Variants in TNS1 observed in about 807,000 individuals in gnomAD.
TNS1 encodes tensin-1.
TNS1 carries 62 observed loss-of-function variants against 168.6 expected under a neutral mutation model. The ratio of observed to expected loss-of-function variants is 0.37; its 90% CI spans 0.30 to 0.45. The LOEUF is 0.45. Among genes scored for constraint, TNS1 ranks in the 20% least tolerant of loss-of-function variants. TNS1 has a pLI of 1.00. For missense variants in TNS1, 2,240 were observed against 2,339.4 expected (o/e 0.96, Z 0.88); for synonymous variants, 934 against 933.2 (o/e 1.00, Z -0.02).
chr2:217,893,399 C>CGT, intron 10 of TNS1, 40 bp downstream of exon 10: 2 of 1,505,606 alleles, frequency 1.3e-6, no homozygotes, highest in Non-Finnish European at 1.8e-6. Flanking sequence ...TGTGCGCGCG[C>CGT]GCACACACAC....
chr2:217,810,144 A>G (rs2125093721), intron 29 of TNS1, 104 bp downstream of exon 29: 1 of 1,468,314 alleles, frequency 6.8e-7, no homozygotes, highest in Non-Finnish European at 9.4e-7. Context: ...TCCCAGAGAC[A>G]TTTGGGCCTG....
chr2:217,916,758 G>A (rs10199479), intron 4 of TNS1, among the ~76,000 whole-genome samples: 48,009 of 152,108 alleles, frequency 0.32, 7,882 homozygotes, highest in Middle Eastern at 0.43. Context: ...GCCTGAAGCC[G>A]GGCAGAAATT....
intron 16 of TNS1, among the ~76,000 whole-genome samples, chr2:217,884,472 C>A (rs983490070): frequency 4.9e-4 from 74 of 152,052 alleles, no homozygotes; most frequent in Non-Finnish European, 1.0e-4. Context: ...AAGCAAACAC[C>A]AAACCTTTCC....
At chr2:217,829,080 A>T (rs1944021544) in intron 22 of TNS1, among the ~76,000 whole-genome samples, 1 of 152,168 alleles carries the variant, frequency 6.6e-6, no homozygotes, top group Non-Finnish European at 1.5e-5. Flanking sequence ...CACCCACAAC[A>T]AAGAGTCATT....
At chr2:217,895,506 C>A (rs916369886) in intron 8 of TNS1, among the ~76,000 whole-genome samples, 2 of 152,202 alleles carry the variant, frequency 1.3e-5, no homozygotes, top group African/African-American at 2.4e-5. Context: ...CCACACCGAA[C>A]GGGAATCCAG....
chr2:217,932,970 C>A (rs73078389), intron 3 of TNS1, among the ~76,000 whole-genome samples: 1 of 152,164 alleles, frequency 6.6e-6, no homozygotes, highest in Admixed American at 6.5e-5. Context: ...GGAGCCCCCG[C>A]AAGCAGAAAG....
At chr2:217,846,067 G>C (rs559112669) in intron 19 of TNS1, among the ~76,000 whole-genome samples, 7 of 152,256 alleles carry the variant, frequency 4.6e-5, no homozygotes, top group Non-Finnish European at 7.4e-5. Context: ...TATCTCAGGG[G>C]CCCAGATGTG....
Position 217,802,508 on chromosome 2 carries a change from C to T in TNS1, c.*1951G>A, listed in dbSNP as rs1937613549. On this transcript the variant is annotated 3_prime_UTR_variant, in exon 33 of 33. Transcript: ENST00000682258. The stretch of plus-strand genomic sequence containing the variant: ...GCAGAGTCAGGGACAGCTCCCCACA[C>T]ATCCTGGGAGCTGACTGCTGGGCCC... 1 of 152,270 alleles carries T rather than the reference C, an allele frequency of 6.6e-6. No individual in the cohort carries two copies. Among genetic ancestry groups the T allele is most frequent in the South Asian group, 2.1e-4 (1 of 4,828 alleles). The allele number at this position is 152,270 out of a possible 1,614,324, so 9.4% of individuals were successfully genotyped here.
chr2:217,911,649 C>T (rs6755375), intron 4 of TNS1, among the ~76,000 whole-genome samples: 55,595 of 152,066 alleles, frequency 0.37, 10,567 homozygotes, highest in Middle Eastern at 0.43. Context: ...CGAGCATTAC[C>T]GCAGGGTACA....
At chr2:218,006,830 A>T (rs1012271490), upstream of TNS1, among the ~76,000 whole-genome samples, 8 of 152,176 alleles carry the variant, frequency 5.3e-5, no homozygotes, top group African/African-American at 1.9e-4. Context: ...GCTTAAAAAA[A>T]AACCACTCTG....
chr2:217,861,810 T>C (rs1948807512), intron 18 of TNS1, among the ~76,000 whole-genome samples: 1 of 152,204 alleles, frequency 6.6e-6, no homozygotes, highest in Non-Finnish European at 1.5e-5. Flanking sequence ...ACACGAGTAG[T>C]GCAGCGTGGG....
In TNS1 at chr2:217,858,299, G is replaced by A. The variant is rs529060195; in HGVS notation, c.1430-9212C>T. Among the ~76,000 whole-genome samples the A allele has an allele frequency of 3.9e-5, 6 of 152,094 alleles. No homozygotes were observed. In the South Asian group the frequency reaches 6.2e-4, roughly 16 times the overall value. On this transcript the variant is annotated intron_variant, in intron 18 of 32. Coordinates refer to ENST00000682258, the MANE Select transcript of TNS1 (RefSeq NM_001387777.1). ...GTCCAGGAAGGGGACCACCAGGCCC[G>A]TCACATCCACATCAGACAGCAGCAC... is the stretch of plus-strand genomic sequence containing the variant.
At chr2:218,029,393 A>C (rs1181996463) in intron 1 of TNS1, among the ~76,000 whole-genome samples, 2 of 152,254 alleles carry the variant, frequency 1.3e-5, no homozygotes, top group African/African-American at 4.8e-5. Flanking sequence ...GACATCATCA[A>C]AATGGAGGGA....
intron 3 of TNS1, among the ~76,000 whole-genome samples, chr2:217,965,662 G>A (rs1575143736): frequency 6.6e-6 from 1 of 152,152 alleles, no homozygotes; most frequent in Non-Finnish European, 1.5e-5. Flanking sequence ...GGAGCCCCAG[G>A]AGGCAAGGAG....
chr2:217,939,482 G>A (rs1319944733), intron 3 of TNS1, among the ~76,000 whole-genome samples: 1 of 152,240 alleles, frequency 6.6e-6, no homozygotes. Flanking sequence ...CAGAAGACAG[G>A]TGAGCAAATG....
intron 18 of TNS1, among the ~76,000 whole-genome samples, chr2:217,869,670 A>G (rs112675522): frequency 7.2e-5 from 11 of 152,334 alleles, no homozygotes; most frequent in African/African-American, 2.4e-4. Context: ...GGCTCTGTGG[A>G]CGCATCTACT....
chr2:217,860,053 C>A (rs573526205), intron 18 of TNS1, among the ~76,000 whole-genome samples: 1 of 152,274 alleles, frequency 6.6e-6, no homozygotes, highest in South Asian at 2.1e-4. Context: ...TTTGCAACCC[C>A]AAAATGCTTC....
intron 6 of TNS1, among the ~76,000 whole-genome samples, chr2:217,905,733 C>A (rs762375995): frequency 1.3e-5 from 2 of 152,192 alleles, no homozygotes; most frequent in African/African-American, 2.4e-5. Context: ...CAACCCCGAA[C>A]GGGGCTCAAA....
upstream of TNS1, among the ~76,000 whole-genome samples, chr2:218,004,031 C>G (rs534680046): frequency 6.6e-6 from 1 of 152,334 alleles, no homozygotes; most frequent in South Asian, 2.1e-4. Context: ...GGAACCACCA[C>G]GTTCCCCTCC....
Sources: gnomAD v4.1 joint callset for allele counts (sites outside exome capture counted in the v4.1 genomes callset) on GRCh38, gnomAD v4.1.1 for gene constraint, MANE v1.5 for transcripts, NCBI Gene and HGNC (gene_info 2026-07-23, HGNC 2026-07-21) for gene names.